PCDHGA1: variants seen among roughly 807,000 people sequenced by gnomAD.
PCDHGA1 encodes the protein protocadherin gamma subfamily A, 1, also known as protocadherin gamma-A1.
Under a neutral mutation model 58.0 loss-of-function variants are expected in PCDHGA1, and 32 were observed. The observed-to-expected ratio is 0.55, with a 90% CI of 0.42 to 0.74. The LOEUF is 0.74. PCDHGA1 is among the 30% of genes least tolerant of loss of function. The pLI is 0.00. For synonymous variants in PCDHGA1, 498 were observed against 501.1 expected (o/e 0.99, Z 0.08); for missense variants, 1,205 against 1,182.3 (o/e 1.02, Z -0.28).
chr5:141,487,936 G>C lies in PCDHGA1; in HGVS notation c.2422-6871G>C. On this transcript the variant is annotated intron_variant, in intron 1 of 3. Coordinates refer to ENST00000517417, the MANE Select transcript of PCDHGA1 (RefSeq NM_018912.3). This position sits in a 1 kb window ranked among gnomAD's most constrained non-coding sequence, Gnocchi z 5.0. The stretch of plus-strand genomic sequence containing the variant: ...AGGAGGCTACAGTGCACAGGGTACA[G>C]TGCACCAGGCAGTCACTTGGACAAA... 4.9e-6 allele frequency: 3 copies of C among 607,906 alleles called. No homozygotes were observed. The highest frequency in any genetic ancestry group is 3.7e-5 in the African/African-American group (2 of 54,158). 37.7% of individuals were successfully genotyped at this position (607,906 alleles called of 1,614,324 possible). A position where few individuals can be genotyped will look rare whatever the true frequency, so the allele number is the denominator to read the frequency against.
intron 1 of PCDHGA1, chr5:141,362,085 A>G: frequency 3.1e-6 from 5 of 1,613,154 alleles, no homozygotes; most frequent in Non-Finnish European, 4.2e-6. Flanking sequence ...GTGATGGAGG[A>G]CAGCCGCCAC....
At chr5:141,484,352 T>A (rs112226980) in intron 1 of PCDHGA1, among the ~76,000 whole-genome samples, 8,127 of 152,270 alleles carry the variant, frequency 0.053, 445 homozygotes, top group African/African-American at 0.15. Context: ...TAATTTAGTG[T>A]ATCTAGTGTA....
Position 141,501,335 on chromosome 5 carries a change from C to A in PCDHGA1, c.2481-4058C>A, listed in dbSNP as rs977626682. 1.5e-4 allele frequency among the ~76,000 whole-genome samples: 20 copies of A among 135,718 alleles called. No individual in the cohort carries two copies. In the East Asian group the frequency reaches 2.2e-3, roughly 15 times the overall value. The allele number at this position is 135,718 out of a possible 152,430, so 89.0% of individuals were successfully genotyped here. The stretch of plus-strand genomic sequence containing the variant: ...CACACACACACACACACACACACAC[C>A]CCAAACTCAATAGGGCAAGAACCAT... On this transcript the variant is annotated intron_variant, in intron 2 of 3. Transcript: ENST00000517417.
chr5:141,343,873 T>A (rs1214776132), intron 1 of PCDHGA1: 1 of 600,262 alleles, frequency 1.7e-6, no homozygotes. Context: ...CAAATCAGAC[T>A]CAGAAGATCC....
intron 1 of PCDHGA1, among the ~76,000 whole-genome samples, chr5:141,380,915 GT>G (rs1776856822): frequency 6.6e-6 from 1 of 152,180 alleles, no homozygotes; most frequent in Admixed American, 6.5e-5. Flanking sequence ...TGCTTACATT[GT>G]TTAATAATCA....
At chr5:141,456,899 G>T (rs1592472053) in intron 1 of PCDHGA1, among the ~76,000 whole-genome samples, 1 of 152,212 alleles carries the variant, frequency 6.6e-6, no homozygotes, top group East Asian at 1.9e-4. Context: ...GGAGGCAGAG[G>T]TTGCAGTGAG....
rs1472337784 is a variant in PCDHGA1 at position 141,330,899 on chromosome 5, T to C, written c.215T>C (p.Met72Thr). The change falls in exon 1 of 4, where the codon ATG (methionine) becomes ACG (threonine). Residue 72 changes from methionine (M) to threonine (T), a missense_variant. Transcript: ENST00000517417. The part of the protein sequence containing the change: ...GGVRIVSRGR[M>T]PLFALNPRSG... The stretch of plus-strand genomic sequence containing the variant: ...GTCCGCATCGTCTCCAGAGGTAGGA[T>C]GCCGCTTTTCGCTCTGAATCCTAGA... 2.5e-6 allele frequency: 4 copies of C among 1,614,220 alleles called. No individual in the cohort carries two copies. In the South Asian group the frequency reaches 4.4e-5, roughly 18 times the overall value.
At chr5:141,492,778 G>A (rs2099743821) in intron 1 of PCDHGA1, among the ~76,000 whole-genome samples, 1 of 152,250 alleles carries the variant, frequency 6.6e-6, no homozygotes, top group South Asian at 2.1e-4. Context: ...GAGTGAGTGA[G>A]CCTCTATAGG....
rs566234229 is a variant in PCDHGA1, at chr5:141,351,445, G to C, written c.2421+18340G>C. ...CTTTCAAATTAGAATCCACCTCGAA[G>C]AATTATTACAAGCTGGTGATTGCTG... On this transcript the variant is annotated intron_variant, in intron 1 of 3. Coordinates refer to ENST00000517417, the MANE Select transcript of PCDHGA1 (RefSeq NM_018912.3). The C allele has an allele frequency of 1.4e-5, 23 of 1,612,940 alleles. No homozygotes were observed. The highest frequency in any genetic ancestry group is 1.9e-5 in the Non-Finnish European group (22 of 1,179,352).
chr5:141,393,766 A>G, intron 1 of PCDHGA1: 2 of 1,613,950 alleles, frequency 1.2e-6, no homozygotes. Flanking sequence ...TATGAAATGG[A>G]AATACAAGCC....
intron 1 of PCDHGA1, chr5:141,407,994 C>T (rs1449634415): frequency 1.0e-5 from 9 of 858,436 alleles, no homozygotes; most frequent in African/African-American, 1.7e-5. Flanking sequence ...CAGCCTCTGG[C>T]CTGGGATTCC....
chr5:141,372,129 C>T (rs62620756), intron 1 of PCDHGA1: 5 of 1,613,514 alleles, frequency 3.1e-6, no homozygotes, highest in African/African-American at 1.3e-5. Flanking sequence ...CGATATGGTG[C>T]CGCGCTCTGC....
At chr5:141,389,939 G>A in intron 1 of PCDHGA1, 1 of 1,614,082 alleles carries the variant, frequency 6.2e-7, no homozygotes, top group Non-Finnish European at 8.5e-7. Context: ...TCCAGGCTGA[G>A]CTGCAGTTTT....
intron 1 of PCDHGA1, chr5:141,484,946 C>T (rs2154580274): frequency 3.6e-6 from 2 of 561,448 alleles, no homozygotes; most frequent in Non-Finnish European, 6.4e-6. Flanking sequence ...CTCTGCTCAG[C>T]CTATTGGCTG....
intron 1 of PCDHGA1, among the ~76,000 whole-genome samples, chr5:141,407,170 AC>A (rs2154538102): frequency 6.6e-6 from 1 of 152,368 alleles, no homozygotes; most frequent in Admixed American, 6.5e-5. Flanking sequence ...ATCCTTTATG[AC>A]ATACAGACAT....
At chr5:141,494,326 G>C (rs2154591458) in intron 1 of PCDHGA1, among the ~76,000 whole-genome samples, 1 of 152,312 alleles carries the variant, frequency 6.6e-6, no homozygotes, top group Middle Eastern at 3.4e-3. Context: ...GGCACCAAAA[G>C]GGTTACCAAG....
intron 1 of PCDHGA1, chr5:141,478,753 G>A (rs2099475642): frequency 2.0e-6 from 3 of 1,519,424 alleles, no homozygotes; most frequent in Admixed American, 2.1e-5. Context: ...ATTTCAGGGG[G>A]AAGATACTTG....
intron 1 of PCDHGA1, chr5:141,340,201 T>C (rs1756916819): frequency 1.9e-6 from 3 of 1,614,142 alleles, no homozygotes; most frequent in African/African-American, 1.3e-5. Context: ...CCAGAGCCCT[T>C]GACAGGGAAC....
intron 1 of PCDHGA1, chr5:141,361,522 G>A: frequency 1.2e-6 from 2 of 1,614,054 alleles, no homozygotes; most frequent in Non-Finnish European, 1.7e-6. Flanking sequence ...TCACGTGGCA[G>A]AGAACAATCC....
Sources: allele counts gnomAD v4.1 joint callset (sites outside exome capture counted in the v4.1 genomes callset), GRCh38; gene constraint gnomAD v4.1.1; non-coding constraint Gnocchi (gnomAD v3.1); transcripts MANE v1.5; gene names NCBI Gene and HGNC (gene_info 2026-07-23, HGNC 2026-07-21).